Variants in GPC5 observed in about 807,000 individuals in gnomAD.
The protein encoded by GPC5 is glypican 5.
In GPC5, 47 loss-of-function variants were observed where a neutral mutation model predicts 53.9. The observed-to-expected ratio is 0.87, with a 90% CI of 0.69 to 1.11. GPC5 has a LOEUF of 1.11. Ranked by LOEUF, GPC5 falls within the 50% of genes most tolerant of loss-of-function variation. The pLI, the probability that GPC5 is intolerant of heterozygous loss-of-function variation, is 0.00. For synonymous variants in GPC5, 286 were observed against 263.3 expected, an observed-to-expected ratio of 1.09 and a Z score of -0.84; for missense variants, 748 against 713.1, an observed-to-expected ratio of 1.05 and a Z score of -0.56.
At chr13:92,803,035 ATTT>A (rs1175415476) in intron 7 of GPC5, among the ~76,000 whole-genome samples, 2 of 151,922 alleles carry the variant, frequency 1.3e-5, no homozygotes, top group Non-Finnish European at 2.9e-5. Context: ...AATAGTCTAA[ATTT>A]TGGACCCATT....
At chr13:91,665,560 T>A (rs1244040898) in intron 2 of GPC5, among the ~76,000 whole-genome samples, 4 of 149,224 alleles carry the variant, frequency 2.7e-5, no homozygotes, top group Non-Finnish European at 5.9e-5. Flanking sequence ...TGGAGTCCAG[T>A]GGCGCCATCT....
chr13:92,613,407 T>G (rs1240227066), intron 7 of GPC5, among the ~76,000 whole-genome samples: 1 of 74,120 alleles, frequency 1.3e-5, no homozygotes, highest in African/African-American at 5.8e-5. Flanking sequence ...ATATATTATA[T>G]TATATATAAA....
chr13:91,615,321 G>A (rs943074842), intron 2 of GPC5, among the ~76,000 whole-genome samples: 4 of 152,142 alleles, frequency 2.6e-5, no homozygotes, highest in African/African-American at 9.7e-5. Context: ...ATACTAGTTA[G>A]AAGAAGGAGG....
intron 2 of GPC5, among the ~76,000 whole-genome samples, chr13:91,674,527 ATG>A (rs531572082): frequency 1.1e-3 from 158 of 143,012 alleles, no homozygotes; most frequent in Non-Finnish European, 2.1e-3. Flanking sequence ...ATATATGCGT[ATG>A]TGTATATATA....
At chr13:91,611,080 T>C (rs2033532965) in intron 2 of GPC5, among the ~76,000 whole-genome samples, 1 of 152,194 alleles carries the variant, frequency 6.6e-6, no homozygotes, top group Admixed American at 6.5e-5. Flanking sequence ...TTTGTCAGAT[T>C]AGTTAGAATG....
intron 2 of GPC5, among the ~76,000 whole-genome samples, chr13:91,503,416 A>C (rs1470922708): frequency 1.3e-5 from 2 of 152,146 alleles, no homozygotes; most frequent in African/African-American, 4.8e-5. Flanking sequence ...GCAAATAAAA[A>C]GACTTTTAAA....
intron 3 of GPC5, among the ~76,000 whole-genome samples, chr13:91,717,424 A>G (rs1034513998): frequency 2.0e-5 from 3 of 152,126 alleles, no homozygotes; most frequent in African/African-American, 7.2e-5. Context: ...TGTTGGAGAG[A>G]AAGTCGGCAA....
intron 7 of GPC5, among the ~76,000 whole-genome samples, chr13:92,333,325 T>C (rs2043300878): frequency 6.6e-6 from 1 of 152,176 alleles, no homozygotes; most frequent in African/African-American, 2.4e-5. Flanking sequence ...TAGAAAGGTT[T>C]GCACTCAGAA....
At chr13:92,855,362 CAT>C (rs1878961958) in intron 7 of GPC5, among the ~76,000 whole-genome samples, 1 of 151,902 alleles carries the variant, frequency 6.6e-6, no homozygotes, top group Non-Finnish European at 1.5e-5. Context: ...GTGAATATAA[CAT>C]AAAGTTAATT....
intron 2 of GPC5, among the ~76,000 whole-genome samples, chr13:91,651,768 G>A (rs1228360856): frequency 2.0e-5 from 3 of 151,238 alleles, no homozygotes; most frequent in South Asian, 2.1e-4. Flanking sequence ...TATTAATTAA[G>A]GAAAATGTGC....
chr13:92,185,551 A>AT (rs780580306), intron 7 of GPC5, among the ~76,000 whole-genome samples: 90 of 150,828 alleles, frequency 6.0e-4, no homozygotes, highest in African/African-American at 1.1e-3. Flanking sequence ...GAAGAAATGA[A>AT]TTTTTTTTTT....
At chr13:92,204,677 T>C (rs2042320050) in intron 7 of GPC5, among the ~76,000 whole-genome samples, 2 of 152,180 alleles carry the variant, frequency 1.3e-5, no homozygotes, top group South Asian at 2.1e-4. Context: ...TTGTGATTTA[T>C]CATAAAGAAA....
Position 92,499,417 on chromosome 13 carries a change from T to A in GPC5, c.1561+354428T>A, listed in dbSNP as rs539318860. On this transcript the variant is annotated intron_variant, in intron 7 of 7. Coordinates refer to ENST00000377067, the MANE Select transcript of GPC5 (RefSeq NM_004466.6). ...TGCTGTTCTTTTTTTGCCTGTTCAA[T>A]AGGAAGATAATTTTCCTAGGGTTGG... Among the ~76,000 whole-genome samples the A allele has an allele frequency of 2.2e-4, 34 of 152,278 alleles. 1 individual carries two copies. The South Asian group carries it at 3.7e-3, about 17-fold the overall frequency.
At chr13:92,172,957 A>G (rs1045817756) in intron 7 of GPC5, among the ~76,000 whole-genome samples, 2 of 151,144 alleles carry the variant, frequency 1.3e-5, no homozygotes, top group African/African-American at 2.4e-5. Context: ...TAATTTGACT[A>G]TACCTGTTAA....
chr13:91,677,198 G>C (rs1043395950), intron 2 of GPC5, among the ~76,000 whole-genome samples: 1 of 152,174 alleles, frequency 6.6e-6, no homozygotes, highest in Admixed American at 6.5e-5. Flanking sequence ...GGAATCATAA[G>C]CAGGGGTGCA....
chr13:91,844,745 A>G (rs1169675172), intron 5 of GPC5, among the ~76,000 whole-genome samples: 1 of 151,888 alleles, frequency 6.6e-6, no homozygotes, highest in African/African-American at 2.4e-5. Context: ...TTTTTTAGAC[A>G]GAGTCTCACT....
chr13:92,724,030 C>T (rs557335724), intron 7 of GPC5, among the ~76,000 whole-genome samples: 38 of 151,384 alleles, frequency 2.5e-4, no homozygotes, highest in African/African-American at 8.9e-4. Flanking sequence ...TCATTTTTTG[C>T]TCTTTTAATG....
At chr13:91,659,905 A>G (rs1279393001) in intron 2 of GPC5, among the ~76,000 whole-genome samples, 1 of 152,198 alleles carries the variant, frequency 6.6e-6, no homozygotes, top group Non-Finnish European at 1.5e-5. Flanking sequence ...AGAACAAACA[A>G]AGCCTCTTTA....
intron 5 of GPC5, among the ~76,000 whole-genome samples, chr13:91,898,913 T>C (rs1451880346): frequency 6.6e-6 from 1 of 152,200 alleles, no homozygotes; most frequent in African/African-American, 2.4e-5. Context: ...ACAGAAGAGC[T>C]GAATTATTTC....
Sources: gnomAD v4.1 joint callset for allele counts (sites outside exome capture counted in the v4.1 genomes callset) on GRCh38, gnomAD v4.1.1 for gene constraint, MANE v1.5 for transcripts, NCBI Gene and HGNC (gene_info 2026-07-23, HGNC 2026-07-21) for gene names.